The following ZNF630 variants were observed in gnomAD, a reference collection of about 807,000 sequenced individuals.
ZNF630 encodes dJ54B20.2 (novel KRAB box containing C2H2 type zinc finger protein).
In ZNF630, 5 loss-of-function variants were observed where a neutral mutation model predicts 7.2. The observed-to-expected ratio is 0.70, with a 90% CI of 0.36 to 1.46. ZNF630 has a LOEUF of 1.46. ZNF630 is among the 40% of genes most tolerant of loss of function. ZNF630 has a pLI of 0.03. For missense variants in ZNF630, 461 were observed against 477.0 expected (o/e 0.97, Z 0.31); for synonymous variants, 158 against 162.8 (o/e 0.97, Z 0.23).
intron 2 of ZNF630, among the ~76,000 whole-genome samples, chrX:48,065,455 AAG>A (rs57013482): frequency 0.024 from 1,503 of 61,904 alleles, 39 homozygotes; most frequent in East Asian, 0.062. Context: ...GAAAGAAAGA[AAG>A]AGAGAGAGAG....
At position 48,059,123 on chromosome X, in the gene ZNF630, A is replaced by C; in HGVS notation, c.1319T>G (p.Phe440Cys). 1.7e-6 allele frequency: 2 copies of C among 1,208,614 alleles called. No homozygotes were observed. Among genetic ancestry groups the C allele is most frequent in the South Asian group, 1.8e-5 (1 of 56,884 alleles). ...PYKCGECGKT[F>C]CQQSHLIGHQ... ...TCCTATGAGGTGGGACTGTTGGCAG[A>C]AAGTTTTCCCACATTCACCACACTT... is the stretch of plus-strand genomic sequence containing the variant. Residue 440 changes from phenylalanine (F) to cysteine (C), a missense_variant, in exon 5 of 5, where the codon TTC becomes TGC. Transcript: ENST00000276054.
chrX:48,067,051 G>GA lies in ZNF630; in HGVS notation c.-166_-165insT. 1.8e-6 allele frequency: 1 copy of GA among 547,601 alleles called. No homozygotes were observed. Among genetic ancestry groups the GA allele is most frequent in the Non-Finnish European group, 3.0e-6 (1 of 333,454 alleles). 45.1% of individuals were successfully genotyped at this position (547,601 alleles called of 1,213,427 possible). ...CATCTGACTCGGTAATTCCATTTCC[G>GA]GAACTTCGTCCTAAGGTAATAATCA... On this transcript the variant is annotated 5_prime_UTR_variant, in exon 2 of 5. The change abolishes the stop of an existing upstream ORF in the 5' untranslated region. Transcript: ENST00000276054.
chrX:48,070,611 TA>T (rs782104749), intron 1 of ZNF630, among the ~76,000 whole-genome samples: 1,716 of 65,646 alleles, frequency 0.026, 43 homozygotes, highest in African/African-American at 0.077. Context: ...AGACTTCGTC[TA>T]AAAAAAAAAA....
At position 48,060,523 on chromosome X, in the gene ZNF630, A is replaced by C. The variant is rs782463976; in HGVS notation, c.165T>G (p.Asp55Glu). Residue 55 changes from aspartate to glutamate, a missense_variant, in exon 4 of 5, where the codon GAT becomes GAG. Physicochemically the swap from Asp to Glu is conservative, Grantham distance 45 (BLOSUM62 2). Transcript: ENST00000276054. ...TTCCATGTTCCAACTTAAAGATTAC[A>C]TCTGGTTTTATACCTGAACACCCTG... ...VSVGCSGIKP[D>E]VIFKLEHGKD... The C allele has an allele frequency of 1.7e-6, 2 of 1,204,754 alleles. No individual in the cohort carries two copies. Among genetic ancestry groups the C allele is most frequent in the Middle Eastern group, 2.3e-4 (1 of 4,337 alleles).
intron 1 of ZNF630, among the ~76,000 whole-genome samples, chrX:48,069,636 T>C (rs782652098): frequency 9.0e-6 from 1 of 110,787 alleles, no homozygotes; most frequent in Non-Finnish European, 1.9e-5. Context: ...ATTATCCTCA[T>C]TTCGCAGTGG....
chrX:48,060,617 G>A, intron 3 of ZNF630, 72 bp from the exon 4 acceptor site: 9 of 973,137 alleles, frequency 9.2e-6, no homozygotes, highest in Non-Finnish European at 5.7e-6. Context: ...ACTTGCAGGG[G>A]CCTCCCAGCA....
intron 2 of ZNF630, among the ~76,000 whole-genome samples, chrX:48,065,440 A>AG (rs2059125624): frequency 0.33 from 32,328 of 96,835 alleles, 5,119 homozygotes; most frequent in Non-Finnish European, 0.41. Flanking sequence ...GGTCTCAAAA[A>AG]AAAAGAAAGA....
At chrX:48,060,359 T>C in intron 4 of ZNF630, 91 bp downstream of exon 4, 8 of 1,040,009 alleles carry the variant, frequency 7.7e-6, no homozygotes, top group South Asian at 2.2e-5. Context: ...GGAGGCCTGA[T>C]AAATTTTAAG....
intron 4 of ZNF630, 102 bp downstream of exon 4, chrX:48,060,348 A>G: frequency 1.0e-6 from 1 of 999,450 alleles, no homozygotes; most frequent in Non-Finnish European, 1.4e-6. Context: ...AATGTTATAA[A>G]GGAGGCCTGA....
At chrX:48,068,299 G>T (rs1169717791) in intron 1 of ZNF630, among the ~76,000 whole-genome samples, 1 of 105,233 alleles carries the variant, frequency 9.5e-6, no homozygotes, top group African/African-American at 3.7e-5. Flanking sequence ...AAGGAAGGAA[G>T]AAAGGGAGGA....
intron 1 of ZNF630, among the ~76,000 whole-genome samples, chrX:48,069,856 G>T (rs55634631): frequency 0.23 from 18,868 of 81,820 alleles, 3,122 homozygotes; most frequent in Non-Finnish European, 0.34. Flanking sequence ...TTTTTTTTTT[G>T]TTTTTTGTTT....
intron 1 of ZNF630, among the ~76,000 whole-genome samples, chrX:48,069,856 G>GTTT (rs376876554): frequency 9.2e-5 from 8 of 87,140 alleles, no homozygotes; most frequent in East Asian, 3.2e-4. Context: ...TTTTTTTTTT[G>GTTT]TTTTTTGTTT....
chrX:48,069,745 C>T (rs1453266815), intron 1 of ZNF630, among the ~76,000 whole-genome samples: 1 of 110,438 alleles, frequency 9.1e-6, no homozygotes, highest in Non-Finnish European at 1.9e-5. Context: ...GAACTCCTCC[C>T]AAGCTGTCCT....
chrX:48,059,115 G>C lies in ZNF630; in HGVS notation c.1327C>G (p.Gln443Glu). The change falls in exon 5 of 5, where the codon CAG becomes GAG. Residue 443 changes from glutamine (Q) to glutamate (E), a missense_variant. Gln to Glu is a conservative substitution (Grantham distance 29). Transcript: ENST00000276054. Reference protein sequence around the residue: ...CGECGKTFCQQSHLIGHQRIH... With the variant: ...CGECGKTFCQESHLIGHQRIH... ...CTTTGATGTCCTATGAGGTGGGACT[G>C]TTGGCAGAAAGTTTTCCCACATTCA... 2 of 1,208,127 alleles carry C rather than the reference G, an allele frequency of 1.7e-6. No homozygotes were observed. The highest frequency in any genetic ancestry group is 3.5e-5 in the African/African-American group (2 of 57,207).
At chrX:48,064,947 T>C (rs1260643271) in intron 2 of ZNF630, among the ~76,000 whole-genome samples, 2 of 112,125 alleles carry the variant, frequency 1.8e-5, no homozygotes, top group African/African-American at 6.5e-5. Flanking sequence ...CAGATTTGAA[T>C]AGTTGCAACA....
At position 48,059,592 on chromosome X, in the gene ZNF630, T is replaced by G; in HGVS notation, c.850A>C (p.Ile284Leu). ...KKSQLIIHQR[I>L]HTGEKPYVCG... ...ACATATGGTTTCTCTCCAGTATGAA[T>G]TCTTTGATGTATAATGAGCTGTGAC... is the stretch of plus-strand genomic sequence containing the variant. Residue 284 changes from isoleucine (I) to leucine (L), a missense_variant, in exon 5 of 5, where the codon ATT (isoleucine) becomes CTT (leucine). Ile to Leu is a conservative substitution (Grantham distance 5). Transcript: ENST00000276054. 2.5e-6 allele frequency: 3 copies of G among 1,208,556 alleles called. No homozygotes were observed. The highest frequency in any genetic ancestry group is 3.4e-6 in the Non-Finnish European group (3 of 893,268).
At chrX:48,060,294 T>C (rs2059098901) in intron 4 of ZNF630, 91 bp from the exon 5 acceptor site, 2 of 966,945 alleles carry the variant, frequency 2.1e-6, no homozygotes, top group East Asian at 6.8e-5. Flanking sequence ...CACAAAACAG[T>C]TGGCAATGAA....
Position 48,059,454 on chromosome X carries a change from G to T in ZNF630, c.988C>A (p.Arg330=). The change falls in exon 5 of 5, where the codon CGG becomes AGG. Residue 330 remains arginine (R), a synonymous_variant. Transcript: ENST00000276054. ...TGATGAACAGTGAAAGGTGACTTCC[G>T]GGAGAATGCTCTTCCATACTTAGTA... ...ECTKYGRAFS[R]KSPFTVHQRV... The T allele has an allele frequency of 1.7e-6, 2 of 1,207,752 alleles. No homozygotes were observed. Among genetic ancestry groups the T allele is most frequent in the Non-Finnish European group, 2.2e-6 (2 of 893,149 alleles).
intron 1 of ZNF630, among the ~76,000 whole-genome samples, chrX:48,068,220 AAAAAGAAAAG>A (rs782295862): frequency 0.063 from 2,224 of 35,307 alleles, 66 homozygotes; most frequent in East Asian, 0.37. Context: ...AAAGAAAAGA[AAAAAGAAAAG>A]AAAAGAAAAG....
Sources: allele counts gnomAD v4.1 joint callset (sites outside exome capture counted in the v4.1 genomes callset), GRCh38; gene constraint gnomAD v4.1.1; transcripts MANE v1.5; gene names NCBI Gene and HGNC (gene_info 2026-07-23, HGNC 2026-07-21).